The following LSAMP variants were observed in gnomAD, a reference collection of about 807,000 sequenced individuals.
LSAMP encodes limbic system-associated membrane protein.
A neutral mutation model predicts 38.6 loss-of-function variants in LSAMP; 7 were observed. The observed-to-expected ratio is 0.18, with a 90% CI of 0.10 to 0.34. LSAMP has a LOEUF of 0.34. Among genes scored for constraint, LSAMP ranks in the 10% least tolerant of loss-of-function variants. The pLI, the probability that LSAMP is intolerant of heterozygous loss-of-function variation, is 1.00. For synonymous variants in LSAMP, 154 were observed against 166.8 expected, an observed-to-expected ratio of 0.92 and a Z score of 0.59; for missense variants, 313 against 420.0, an observed-to-expected ratio of 0.75 and a Z score of 2.23.
chr3:116,243,816 TC>T (rs1450369564), intron 1 of LSAMP, among the ~76,000 whole-genome samples: 3 of 152,330 alleles, frequency 2.0e-5, no homozygotes, highest in African/African-American at 7.2e-5. Flanking sequence ...GTGACATTTT[TC>T]TTTTTTTAAC....
intron 3 of LSAMP, among the ~76,000 whole-genome samples, chr3:115,903,239 A>T (rs995258609): frequency 3.3e-5 from 5 of 152,180 alleles, no homozygotes; most frequent in Non-Finnish European, 5.9e-5. Context: ...ACAGAGAAAC[A>T]TAAAACCAAA....
chr3:116,027,460 C>A (rs1450548624), intron 2 of LSAMP, among the ~76,000 whole-genome samples: 1 of 152,076 alleles, frequency 6.6e-6, no homozygotes, highest in African/African-American at 2.4e-5. Context: ...CATATTCTTC[C>A]AATGGACCAC....
chr3:116,027,364 G>A (rs1323016737), intron 2 of LSAMP, among the ~76,000 whole-genome samples: 3 of 152,182 alleles, frequency 2.0e-5, no homozygotes, highest in African/African-American at 4.8e-5. Context: ...AATTATTTGA[G>A]GTTATTATTT....
Position 116,347,737 on chromosome 3 carries a change from C to T in LSAMP, c.155+97140G>A, listed in dbSNP as rs529941654. Among the ~76,000 whole-genome samples the T allele has an allele frequency of 2.7e-4, 41 of 152,150 alleles. 1 individual carries two copies. The South Asian group carries it at 7.9e-3, about 29-fold the overall frequency. The stretch of plus-strand genomic sequence containing the variant: ...CATGGTGTATCCACACTAGAACTCA[C>T]GAAGCCCACAGCCAACTTCAGCTCA... On this transcript the variant is annotated intron_variant, in intron 1 of 6. Transcript: ENST00000490035.
chr3:116,322,741 T>C (rs2047722265), intron 1 of LSAMP, among the ~76,000 whole-genome samples: 1 of 152,164 alleles, frequency 6.6e-6, no homozygotes, highest in African/African-American at 2.4e-5. Context: ...ATATTCTTCC[T>C]ATCCAAATCT....
chr3:116,326,778 A>T (rs570791873), intron 1 of LSAMP, among the ~76,000 whole-genome samples: 1 of 152,296 alleles, frequency 6.6e-6, no homozygotes, highest in African/African-American at 2.4e-5. Context: ...TTAATTCTTC[A>T]TATGAACTTC....
chr3:116,345,369 G>C (rs770782806), intron 1 of LSAMP, among the ~76,000 whole-genome samples: 31 of 152,108 alleles, frequency 2.0e-4, no homozygotes, highest in Non-Finnish European at 4.0e-4. Flanking sequence ...CTGCAGGGCT[G>C]TCAACCCCTC....
At chr3:116,050,348 C>A (rs1419023109) in intron 2 of LSAMP, among the ~76,000 whole-genome samples, 3 of 151,954 alleles carry the variant, frequency 2.0e-5, no homozygotes, top group Non-Finnish European at 4.4e-5. Context: ...TGCACTATCC[C>A]CCTTGATTTC....
chr3:116,093,300 C>T (rs1278846574), intron 1 of LSAMP, among the ~76,000 whole-genome samples: 2 of 152,112 alleles, frequency 1.3e-5, no homozygotes, highest in Admixed American at 6.6e-5. Flanking sequence ...CCTACAATGC[C>T]GTGGACAGCC....
chr3:116,388,994 G>A (rs943053931), intron 1 of LSAMP, among the ~76,000 whole-genome samples: 1 of 152,160 alleles, frequency 6.6e-6, no homozygotes, highest in African/African-American at 2.4e-5. Flanking sequence ...AGGTGCAATT[G>A]CAAATCTCCA....
At position 116,420,860 on chromosome 3, in the gene LSAMP, G is replaced by A. The variant is rs940164751; in HGVS notation, c.155+24017C>T. Among the ~76,000 whole-genome samples, 6 of 152,206 alleles carry A rather than the reference G, an allele frequency of 3.9e-5. No homozygotes were observed. The South Asian group carries it at 8.3e-4, about 21-fold the overall frequency. Reference sequence around the variant, plus strand: ...CCACTGCACTCTAGCATGGGTGACAGAGAGAGACTTGTGTCTTAAAAAATA... The same window carrying A: ...CCACTGCACTCTAGCATGGGTGACAAAGAGAGACTTGTGTCTTAAAAAATA... On this transcript the variant is annotated intron_variant, in intron 1 of 6. Transcript: ENST00000490035.
At chr3:116,311,569 A>G (rs2047558049) in intron 1 of LSAMP, among the ~76,000 whole-genome samples, 1 of 152,214 alleles carries the variant, frequency 6.6e-6, no homozygotes, top group African/African-American at 2.4e-5. Context: ...TTTGAGCTCC[A>G]TCCTTATTCT....
At chr3:115,927,606 C>T (rs556163398) in intron 3 of LSAMP, among the ~76,000 whole-genome samples, 16 of 152,240 alleles carry the variant, frequency 1.1e-4, no homozygotes, top group African/African-American at 2.6e-4. Flanking sequence ...AACTCTTTGG[C>T]GTCCTATCTC....
At chr3:116,192,798 G>T (rs1173102899) in intron 1 of LSAMP, among the ~76,000 whole-genome samples, 3 of 152,116 alleles carry the variant, frequency 2.0e-5, no homozygotes, top group Non-Finnish European at 4.4e-5. Flanking sequence ...TAGGTTATTG[G>T]AATAGATGAT....
chr3:115,897,538 T>A (rs1936760390), intron 3 of LSAMP, among the ~76,000 whole-genome samples: 1 of 152,054 alleles, frequency 6.6e-6, no homozygotes, highest in Admixed American at 6.6e-5. Flanking sequence ...AATGAATAAT[T>A]GTAAAGCCTT....
intron 2 of LSAMP, among the ~76,000 whole-genome samples, chr3:116,062,964 G>A (rs545111827): frequency 1.3e-5 from 2 of 152,150 alleles, no homozygotes; most frequent in Non-Finnish European, 2.9e-5. Context: ...AACATGAGAA[G>A]AGTATTCCAT....
chr3:116,192,043 ATAACC>A (rs1710766339), intron 1 of LSAMP, among the ~76,000 whole-genome samples: 1 of 152,214 alleles, frequency 6.6e-6, no homozygotes, highest in African/African-American at 2.4e-5. Context: ...GATAACAAAC[ATAACC>A]TAACCTAATA....
chr3:116,163,366 G>T (rs1283434798), intron 1 of LSAMP, among the ~76,000 whole-genome samples: 1 of 151,280 alleles, frequency 6.6e-6, no homozygotes, highest in Non-Finnish European at 1.5e-5. Flanking sequence ...GAGAATGATG[G>T]TTTCCAGCTT....
At chr3:116,266,214 A>C (rs903391671) in intron 1 of LSAMP, among the ~76,000 whole-genome samples, 9 of 152,068 alleles carry the variant, frequency 5.9e-5, no homozygotes, top group Non-Finnish European at 1.3e-4. Flanking sequence ...TTATCACACC[A>C]CGTAACTAAT....
Sources: gnomAD v4.1 joint callset for allele counts (sites outside exome capture counted in the v4.1 genomes callset) on GRCh38, gnomAD v4.1.1 for gene constraint, MANE v1.5 for transcripts, NCBI Gene and HGNC (gene_info 2026-07-23, HGNC 2026-07-21) for gene names.